TGFA: variants seen among roughly 807,000 people sequenced by gnomAD.
The protein encoded by TGFA is transforming growth factor alpha, also known as protransforming growth factor alpha.
Under a neutral mutation model 21.7 loss-of-function variants are expected in TGFA, and 12 were observed. That is an observed-to-expected ratio of 0.55 (90% confidence interval 0.35 to 0.90). The LOEUF (loss-of-function observed/expected upper bound fraction) is 0.90. Ranked by LOEUF, TGFA falls within the 40% of genes least tolerant of loss-of-function variation. The probability of loss-of-function intolerance (pLI) is 0.01; values close to 1 mark genes in which losing one functional copy is unlikely to be tolerated. For synonymous variants in TGFA, 79 were observed against 88.1 expected, an observed-to-expected ratio of 0.90 and a Z score of 0.58; for missense variants, 178 against 210.8, an observed-to-expected ratio of 0.84 and a Z score of 0.96.
chr2:70,488,992 T>A (rs114983960), intron 2 of TGFA, among the ~76,000 whole-genome samples: 6 of 152,134 alleles, frequency 3.9e-5, no homozygotes, highest in African/African-American at 1.2e-4. Flanking sequence ...ATACCATACA[T>A]TGGAGGCTGG....
At chr2:70,451,762 T>C (rs1553489638) in intron 5 of TGFA, 1 of 702,212 alleles carries the variant, frequency 1.4e-6, no homozygotes, top group South Asian at 1.5e-5. Context: ...CCAAGGTAGC[T>C]GAAAGGAGAT....
intron 4 of TGFA, among the ~76,000 whole-genome samples, 194 bp downstream of exon 4, chr2:70,456,145 G>T (rs1003521267): frequency 1.3e-5 from 2 of 152,246 alleles, no homozygotes; most frequent in African/African-American, 4.8e-5. Context: ...CGCCCAGGAT[G>T]CATGAGGCTT....
chr2:70,451,814 C>T, intron 5 of TGFA: 1 of 684,204 alleles, frequency 1.5e-6, no homozygotes, highest in South Asian at 1.5e-5. Flanking sequence ...CATCCTCACT[C>T]CCCCACTGAT....
At chr2:70,533,166 A>C (rs1364040272) in intron 1 of TGFA, among the ~76,000 whole-genome samples, 1 of 151,900 alleles carries the variant, frequency 6.6e-6, no homozygotes, top group Non-Finnish European at 1.5e-5. Flanking sequence ...CCAGCGGTTT[A>C]TTTTCTTTAC....
At chr2:70,524,346 A>G (rs1428833332) in intron 1 of TGFA, among the ~76,000 whole-genome samples, 1 of 152,212 alleles carries the variant, frequency 6.6e-6, no homozygotes, top group Admixed American at 6.5e-5. Flanking sequence ...GGAGGAAGCA[A>G]TTGTCTCTTC....
intron 1 of TGFA, among the ~76,000 whole-genome samples, chr2:70,515,863 A>G (rs960330584): frequency 6.6e-6 from 1 of 152,194 alleles, no homozygotes; most frequent in African/African-American, 2.4e-5. Flanking sequence ...TGCATACTGT[A>G]TTGTCCCACT....
intron 2 of TGFA, among the ~76,000 whole-genome samples, chr2:70,503,619 C>T (rs1444995935): frequency 6.6e-6 from 1 of 151,614 alleles, no homozygotes; most frequent in Non-Finnish European, 1.5e-5. Flanking sequence ...GGTCATAGTC[C>T]CCAGGGGGCA....
chr2:70,540,482 T>C lies in TGFA; in HGVS notation c.40+13246A>G, dbSNP rs1225422062. Reference sequence around the variant, plus strand: ...ATGTTAGAATAACTGGATCATTATTTGACAAAAAGGCAAGTTAGATGTTTA... The same window carrying C: ...ATGTTAGAATAACTGGATCATTATTCGACAAAAAGGCAAGTTAGATGTTTA... On this transcript the variant is annotated intron_variant, in intron 1 of 5. Coordinates refer to ENST00000295400, the MANE Select transcript of TGFA (RefSeq NM_003236.4). Among the ~76,000 whole-genome samples the C allele has an allele frequency of 3.9e-5, 6 of 152,282 alleles. No homozygotes were observed. The East Asian group carries it at 7.7e-4, about 20-fold the overall frequency.
chr2:70,450,872 A>G lies in TGFA; in HGVS notation c.476-6T>C. ...CCTCTGGGCTCTTCAGACCACTGGC[A>G]GGAAGGAAAAACAGGTTAAGCACTG... On this transcript the variant is annotated splice_region_variant and splice_polypyrimidine_tract_variant and intron_variant, in intron 5 of 5. Transcript: ENST00000295400. 6.2e-7 allele frequency: 1 copy of G among 1,608,494 alleles called. No individual in the cohort carries two copies. Among genetic ancestry groups the G allele is most frequent in the Non-Finnish European group, 8.5e-7 (1 of 1,177,066 alleles).
At chr2:70,457,741 C>T (rs1202838041) in intron 3 of TGFA, among the ~76,000 whole-genome samples, 1 of 152,044 alleles carries the variant, frequency 6.6e-6, no homozygotes, top group Admixed American at 6.6e-5. Context: ...GGGGTTTCAC[C>T]ATGTTGGCCA....
chr2:70,471,836 C>T (rs1284661238), intron 2 of TGFA, among the ~76,000 whole-genome samples: 6 of 152,142 alleles, frequency 3.9e-5, no homozygotes, highest in African/African-American at 1.4e-4. Context: ...AGGGTTTGCT[C>T]AGTAACTTAG....
intron 2 of TGFA, among the ~76,000 whole-genome samples, chr2:70,503,530 A>C (rs1671803237): frequency 6.6e-6 from 1 of 151,674 alleles, no homozygotes; most frequent in Non-Finnish European, 1.5e-5. Flanking sequence ...ATATGTAACA[A>C]ACCTGCACGT....
At chr2:70,460,291 G>A (rs548542454) in intron 3 of TGFA, among the ~76,000 whole-genome samples, 11 of 152,016 alleles carry the variant, frequency 7.2e-5, no homozygotes, top group African/African-American at 2.4e-4. Flanking sequence ...AGGGGAGGGC[G>A]ATCCTTTCTC....
intron 2 of TGFA, among the ~76,000 whole-genome samples, chr2:70,499,184 T>C (rs1671664900): frequency 6.6e-6 from 1 of 152,234 alleles, no homozygotes; most frequent in African/African-American, 2.4e-5. Context: ...GACATTCCCA[T>C]TGCTTACCAG....
chr2:70,509,617 C>T (rs1201156853), intron 2 of TGFA, among the ~76,000 whole-genome samples: 1 of 152,128 alleles, frequency 6.6e-6, no homozygotes, highest in South Asian at 2.1e-4. Context: ...GGTGGGTGTC[C>T]CTAGACACAG....
At chr2:70,469,058 G>T (rs368185800) in intron 2 of TGFA, among the ~76,000 whole-genome samples, 1 of 152,042 alleles carries the variant, frequency 6.6e-6, no homozygotes, top group African/African-American at 2.4e-5. Context: ...ACAAAAGGCC[G>T]TTTAAACCAC....
chr2:70,480,780 C>A (rs1671090946), intron 2 of TGFA, among the ~76,000 whole-genome samples: 3 of 152,096 alleles, frequency 2.0e-5, no homozygotes, highest in Admixed American at 2.0e-4. Context: ...ATATCTGAGC[C>A]TTCCCTGGAT....
At chr2:70,524,236 A>G (rs1553502677) in intron 1 of TGFA, among the ~76,000 whole-genome samples, 2 of 152,238 alleles carry the variant, frequency 1.3e-5, no homozygotes, top group African/African-American at 4.8e-5. Context: ...ATCTTTATCC[A>G]ACAGTGTTAA....
At chr2:70,451,990 T>C (rs1428926668) in intron 5 of TGFA, among the ~76,000 whole-genome samples, 1 of 152,220 alleles carries the variant, frequency 6.6e-6, no homozygotes, top group African/African-American at 2.4e-5. Flanking sequence ...GCTCCCTTAC[T>C]GTGCACGATG....
Sources: gnomAD v4.1 joint callset for allele counts (sites outside exome capture counted in the v4.1 genomes callset) on GRCh38, gnomAD v4.1.1 for gene constraint, MANE v1.5 for transcripts, NCBI Gene and HGNC (gene_info 2026-07-23, HGNC 2026-07-21) for gene names.